The following MVD variants were observed in gnomAD, a reference collection of about 807,000 sequenced individuals.
MVD encodes the protein diphosphomevalonate decarboxylase.
In MVD, 52 loss-of-function variants were observed where a neutral mutation model predicts 42.4. The ratio of observed to expected loss-of-function variants is 1.23; its 90% confidence interval spans 0.98 to 1.55. MVD has a LOEUF of 1.55. Ranked by LOEUF, MVD falls within the 40% of genes most tolerant of loss-of-function variation. The probability of loss-of-function intolerance (pLI) is 0.00; values close to 1 mark genes in which losing one functional copy is unlikely to be tolerated. For synonymous variants in MVD, 287 were observed against 243.2 expected, an observed-to-expected ratio of 1.18 and a Z score of -1.68; for missense variants, 663 against 572.1, an observed-to-expected ratio of 1.16 and a Z score of -1.62.
intron 1 of MVD, among the ~76,000 whole-genome samples, chr16:88,661,489 G>C (rs1242461214): frequency 6.6e-6 from 1 of 152,048 alleles, no homozygotes; most frequent in Non-Finnish European, 1.5e-5. Flanking sequence ...CTCCCCAAGT[G>C]CTGGGATTAC....
At chr16:88,656,060 A>G in intron 5 of MVD, 45 bp downstream of exon 5, 1 of 1,522,410 alleles carries the variant, frequency 6.6e-7, no homozygotes, top group Non-Finnish European at 8.9e-7. Context: ...CTGACTAGGG[A>G]CAGAGGCCAC....
chr16:88,656,825 G>A (rs12596403), intron 4 of MVD: 63,363 of 249,202 alleles, frequency 0.25, 8,843 homozygotes, highest in East Asian at 0.43. Context: ...CAGGGAAGGC[G>A]CAGGAGCCCA....
chr16:88,653,784 G>A (rs1015753467), intron 8 of MVD, among the ~76,000 whole-genome samples: 1 of 152,072 alleles, frequency 6.6e-6, no homozygotes, highest in Non-Finnish European at 1.5e-5. Context: ...ATTCAAGCTG[G>A]TGCGTTCGTC....
In MVD at chr16:88,652,605, C is replaced by T; in HGVS notation, c.1123G>A (p.Val375Met). The change falls in exon 10 of 10, where the codon GTG becomes ATG. Residue 375 changes from valine (V) to methionine (M), a missense_variant and splice_region_variant. By Grantham distance (21) the Val-to-Met change is conservative (BLOSUM62 1). Transcript: ENST00000301012. ...TCCAGGATTTGAGGCCCTGGCCCCA[C>T]CTGGGGATAGAAATCCATGTCAGGT... ...GGVKYIIVTQ[V>M]GPGPQILDDP... 1 of 1,555,788 alleles carries T rather than the reference C, an allele frequency of 6.4e-7. No individual in the cohort carries two copies. The highest frequency in any genetic ancestry group is 8.7e-7 in the Non-Finnish European group (1 of 1,149,684).
At chr16:88,660,596 G>C (rs1455683316) in intron 1 of MVD, 1 of 151,948 alleles carries the variant, frequency 6.6e-6, no homozygotes, top group Non-Finnish European at 1.5e-5. Flanking sequence ...AGTGAGCCGA[G>C]ATCACGCCAT....
intron 4 of MVD, chr16:88,656,715 A>C (rs1179780053): frequency 7.8e-6 from 2 of 256,882 alleles, no homozygotes; most frequent in Non-Finnish European, 1.5e-5. Flanking sequence ...CCCCCTGCCC[A>C]CCCAGCACGG....
intron 1 of MVD, 98 bp from the exon 2 acceptor site, chr16:88,658,818 C>T (rs980775235): frequency 5.4e-5 from 46 of 849,506 alleles, no homozygotes; most frequent in African/African-American, 4.8e-4. Flanking sequence ...CGGCCCCCAT[C>T]CGCCTCAGTC....
At position 88,658,128 on chromosome 16, in the gene MVD, G is replaced by A; in HGVS notation, c.142-99C>T. 1.1e-5 allele frequency: 14 copies of A among 1,232,068 alleles called. 1 individual carries two copies. The South Asian group carries it at 1.2e-4, about 10-fold the overall frequency. The allele number at this position is 1,232,068 out of a possible 1,614,324, so 76.3% of individuals were successfully genotyped here. On this transcript the variant is annotated intron_variant, in intron 2 of 9. Transcript: ENST00000301012. Reference sequence around the variant, plus strand: ...GAGAGAGCCTCATGGCTGCCCACTCGAGCAAGGTCAGCCCTGCTGAGGGCA... The same window carrying A: ...GAGAGAGCCTCATGGCTGCCCACTCAAGCAAGGTCAGCCCTGCTGAGGGCA...
chr16:88,652,412 G>A lies in MVD; in HGVS notation c.*113C>T, dbSNP rs1218412909. On this transcript the variant is annotated 3_prime_UTR_variant, in exon 10 of 10. Transcript: ENST00000301012. Reference sequence around the variant, plus strand: ...CCACAGCAAGCTGCCCATGGGCCCGGGGTCAAGCCACCACCCACATGTCCC... The same window carrying A: ...CCACAGCAAGCTGCCCATGGGCCCGAGGTCAAGCCACCACCCACATGTCCC... 8.2e-7 allele frequency: 1 copy of A among 1,219,722 alleles called. No homozygotes were observed. Among genetic ancestry groups the A allele is most frequent in the Non-Finnish European group, 1.2e-6 (1 of 852,148 alleles). The allele number at this position is 1,219,722 out of a possible 1,614,324, so 75.6% of individuals were successfully genotyped here.
Position 88,657,952 on chromosome 16 carries a change from A to T in MVD, c.219T>A (p.Asp73Glu), listed in dbSNP as rs1043766216. ...AGGCCTGCAGCCGCGGCTGCCCCAC[A>T]TCCTCCTCCCGGCCATTCAGCCAAA... Reference protein sequence around the residue: ...DRIWLNGREEDVGQPRLQACL... With the variant: ...DRIWLNGREEEVGQPRLQACL... Residue 73 changes from aspartate to glutamate, a missense_variant, in exon 3 of 10, where the codon GAT becomes GAA. Coordinates refer to ENST00000301012, the MANE Select transcript of MVD (RefSeq NM_002461.3). The T allele has an allele frequency of 9.3e-6, 15 of 1,613,644 alleles. No individual in the cohort carries two copies. The highest frequency in any genetic ancestry group is 1.3e-5 in the Non-Finnish European group (15 of 1,180,026).
chr16:88,656,978 C>T (rs1046965697), intron 4 of MVD: 7 of 345,494 alleles, frequency 2.0e-5, no homozygotes, highest in Non-Finnish European at 4.0e-5. Context: ...GCGGGGCCTG[C>T]AACCAGCTGT....
rs1337566895 is a variant in MVD at position 88,655,664 on chromosome 16, G to C, written c.670C>G (p.Leu224Val). 6.4e-7 allele frequency: 1 copy of C among 1,554,608 alleles called. No individual in the cohort carries two copies. Among genetic ancestry groups the C allele is most frequent in the South Asian group, 1.2e-5 (1 of 84,390 alleles). ...CCCGCTCCTGGCCTTACCCGAAGCA[G>C]GGGGCTGGTCTCCACACTGGCCCGC... ...GMRASVETSPLLRFRAESVVP... is the reference protein window; with the variant it reads ...GMRASVETSPVLRFRAESVVP... Residue 224 changes from leucine to valine, a missense_variant, in exon 6 of 10, where the codon CTG becomes GTG. By Grantham distance (32) the Leu-to-Val change is conservative. Transcript: ENST00000301012.
intron 1 of MVD, chr16:88,662,094 C>T (rs938844251): frequency 5.9e-5 from 9 of 152,078 alleles, no homozygotes; most frequent in East Asian, 1.9e-4. Context: ...ACACAAAAAC[C>T]TGTATACAAC....
intron 7 of MVD, 156 bp from the exon 8 acceptor site, chr16:88,654,963 C>A: frequency 1.2e-6 from 1 of 855,186 alleles, no homozygotes; most frequent in Non-Finnish European, 1.8e-6. Context: ...GTGCCTGGTA[C>A]TTGACACGTC....
At position 88,657,451 on chromosome 16, in the gene MVD, C is replaced by T. The variant is rs773248491; in HGVS notation, c.388G>A (p.Gly130Ser). The change falls in exon 4 of 10, where the codon GGC (glycine) becomes AGC (serine). Residue 130 changes from glycine to serine, a missense_variant. Gly to Ser is a moderately conservative substitution (Grantham distance 56). Coordinates refer to ENST00000301012, the MANE Select transcript of MVD (RefSeq NM_002461.3). ...TAAGLASSAA[G>S]YACLAYTLAR... ...GGGCACCCACCTAGGCAGGCATAGC[C>T]CGCCGCTGAGGAGGCCAGGCCCGCA... 3.1e-6 allele frequency: 5 copies of T among 1,608,384 alleles called. No homozygotes were observed. The South Asian group carries it at 5.5e-5, about 18-fold the overall frequency.
chr16:88,657,732 G>C, intron 3 of MVD, 150 bp from the exon 4 acceptor site: 1 of 1,321,364 alleles, frequency 7.6e-7, no homozygotes, highest in Non-Finnish European at 1.0e-6. Context: ...ACCCCAGACT[G>C]ACCCAAGCCC....
intron 9 of MVD, 59 bp downstream of exon 9, chr16:88,653,241 G>T: frequency 7.1e-7 from 1 of 1,411,924 alleles, no homozygotes; most frequent in Non-Finnish European, 9.7e-7. Context: ...CTGGGGGCTG[G>T]GCGGGCCCCC....
rs1024121292 is a variant in MVD, at chr16:88,655,937, A to G, written c.603+168T>C. The G allele has an allele frequency of 1.5e-5, 17 of 1,138,560 alleles. No individual in the cohort carries two copies. In the Admixed American group the frequency reaches 1.8e-4, roughly 12 times the overall value. The allele number at this position is 1,138,560 out of a possible 1,614,324, so 70.5% of individuals were successfully genotyped here. A position where few individuals can be genotyped will look rare whatever the true frequency, so the allele number is the denominator to read the frequency against. Reference sequence around the variant, plus strand: ...CCCAGCGGGTGGTGGCGCCCGCCGCATGGGAGCGGTTCCTGAGCACTCAAC... The same window carrying G: ...CCCAGCGGGTGGTGGCGCCCGCCGCGTGGGAGCGGTTCCTGAGCACTCAAC... On this transcript the variant is annotated intron_variant, in intron 5 of 9. Transcript: ENST00000301012.
At chr16:88,659,151 C>G in intron 1 of MVD, 1 of 186,034 alleles carries the variant, frequency 5.4e-6, no homozygotes, top group East Asian at 1.3e-4. Flanking sequence ...TGGGACAGCA[C>G]GTGAAATCAA....
Sources: allele counts gnomAD v4.1 joint callset (sites outside exome capture counted in the v4.1 genomes callset), GRCh38; gene constraint gnomAD v4.1.1; transcripts MANE v1.5; gene names NCBI Gene and HGNC (gene_info 2026-07-23, HGNC 2026-07-21).